The following SRRM1 variants were observed in gnomAD, a reference collection of about 807,000 sequenced individuals.
SRRM1 encodes the protein serine and arginine repetitive matrix 1.
SRRM1 carries 19 observed loss-of-function variants against 110.2 expected under a neutral mutation model. The observed-to-expected ratio is 0.17, with a 90% CI of 0.12 to 0.25. The LOEUF is 0.25. Ranked by LOEUF, SRRM1 falls within the 10% of genes least tolerant of loss-of-function variation. The probability of loss-of-function intolerance (pLI) is 1.00; values close to 1 mark genes in which losing one functional copy is unlikely to be tolerated. For synonymous variants in SRRM1, 443 were observed against 414.9 expected, an observed-to-expected ratio of 1.07 and a Z score of -0.82; for missense variants, 918 against 1,145.8, an observed-to-expected ratio of 0.80 and a Z score of 2.87.
chr1:24,649,643 C>T (rs1199683729), intron 4 of SRRM1, among the ~76,000 whole-genome samples: 1 of 152,178 alleles, frequency 6.6e-6, no homozygotes, highest in African/African-American at 2.4e-5. Flanking sequence ...CAGATGAACT[C>T]CCAGAAAGAA....
chr1:24,669,994 A>T, intron 14 of SRRM1, 126 bp from the exon 15 acceptor site: 4 of 894,894 alleles, frequency 4.5e-6, no homozygotes, highest in Non-Finnish European at 6.9e-6. Flanking sequence ...ATGTTAGTTG[A>T]ATCAACCAGC....
intron 13 of SRRM1, among the ~76,000 whole-genome samples, chr1:24,667,764 TA>T (rs1329740271): frequency 6.6e-6 from 1 of 152,136 alleles, no homozygotes; most frequent in Non-Finnish European, 1.5e-5. Flanking sequence ...GCTATTTTAG[TA>T]ATACTAAGTT....
At chr1:24,653,064 G>A (rs753038372) in intron 8 of SRRM1, 32 bp downstream of exon 8, 1 of 1,596,060 alleles carries the variant, frequency 6.3e-7, no homozygotes, top group Non-Finnish European at 8.5e-7. Context: ...AGTGTCAAGT[G>A]TTTGACACTT....
intron 10 of SRRM1, chr1:24,661,042 G>A (rs1666983517): frequency 1.9e-6 from 1 of 536,568 alleles, no homozygotes; most frequent in South Asian, 3.0e-5. Flanking sequence ...GACAGTAGAG[G>A]TTTTTGACAG....
intron 5 of SRRM1, 50 bp from the exon 6 acceptor site, chr1:24,651,359 C>A (rs780743396): frequency 6.7e-7 from 1 of 1,487,654 alleles, no homozygotes; most frequent in Non-Finnish European, 9.3e-7. Context: ...TGACTCCTCT[C>A]TTCCAATCCA....
chr1:24,665,936 A>AT (rs1669762038), intron 12 of SRRM1, among the ~76,000 whole-genome samples: 2 of 152,218 alleles, frequency 1.3e-5, no homozygotes, highest in African/African-American at 4.8e-5. Context: ...TGGGCAAAAA[A>AT]AATTAAGAGC....
At chr1:24,649,826 T>C (rs753391955) in intron 4 of SRRM1, 145 bp from the exon 5 acceptor site, 10 of 564,112 alleles carry the variant, frequency 1.8e-5, no homozygotes, top group Non-Finnish European at 3.0e-5. Flanking sequence ...GTATCTGTAG[T>C]GTAGGTGAAG....
At chr1:24,664,880 T>G (rs1487789175) in intron 12 of SRRM1, among the ~76,000 whole-genome samples, 2 of 123,580 alleles carry the variant, frequency 1.6e-5, no homozygotes, top group South Asian at 2.7e-4. Context: ...TCCCCTTCCC[T>G]CCCCACCCCC....
At chr1:24,645,722 A>T (rs1314564175) in intron 1 of SRRM1, among the ~76,000 whole-genome samples, 1 of 152,214 alleles carries the variant, frequency 6.6e-6, no homozygotes, top group Non-Finnish European at 1.5e-5. Context: ...CTAACATTGG[A>T]TATGAGGAGG....
intron 6 of SRRM1, among the ~76,000 whole-genome samples, chr1:24,652,186 C>T (rs907593267): frequency 6.6e-6 from 1 of 150,418 alleles, no homozygotes; most frequent in Non-Finnish European, 1.5e-5. Flanking sequence ...TGCCAGTACA[C>T]TCCAGCCTGA....
intron 11 of SRRM1, among the ~76,000 whole-genome samples, chr1:24,662,341 A>G (rs774776492): frequency 1.3e-5 from 2 of 152,206 alleles, no homozygotes; most frequent in African/African-American, 2.4e-5. Flanking sequence ...CCAGCTACTC[A>G]GGAGGCACAA....
rs776382421 is a variant in SRRM1 at position 24,652,574 on chromosome 1, G to A, written c.866G>A (p.Arg289Gln). 91 of 1,613,400 alleles carry A rather than the reference G, an allele frequency of 5.6e-5. No homozygotes were observed. Among genetic ancestry groups the A allele is most frequent in the Non-Finnish European group, 7.4e-5 (87 of 1,179,856 alleles). ...RSRSKSRSRT[R>Q]SRSPSHTRPR... ...CGCTCCAAATCAAGATCCCGGACGC[G>A]GTCCCGCTCTCCTTCTCACACTCGA... Residue 289 changes from arginine (R) to glutamine (Q), a missense_variant, in exon 7 of 17, where the codon CGG (arginine) becomes CAG (glutamine). By Grantham distance (43) the Arg-to-Gln change is conservative (BLOSUM62 1). This residue lies in a region of SRRM1 where 456 missense variants were observed against 453.5 expected (regional missense o/e 1.01). Coordinates refer to ENST00000323848, the MANE Select transcript of SRRM1 (RefSeq NM_005839.4).
intron 1 of SRRM1, chr1:24,643,718 A>C (rs1570604549): frequency 7.0e-6 from 2 of 285,572 alleles, no homozygotes; most frequent in Non-Finnish European, 1.3e-5. Flanking sequence ...TGGGAGGCCA[A>C]AGGAAAGCCC....
Position 24,670,170 on chromosome 1 carries a change from C to T in SRRM1, c.2255C>T (p.Ser752Phe). Reference sequence around the variant, plus strand: ...GTAAGAAGGGTCTCATCCTCCCGATCTGTCTCCGGGTCTCCTGAGCCAGCA... The same window carrying T: ...GTAAGAAGGGTCTCATCCTCCCGATTTGTCTCCGGGTCTCCTGAGCCAGCA... ...QSVRRVSSSR[S>F]VSGSPEPAAK... Residue 752 changes from serine to phenylalanine, a missense_variant, in exon 15 of 17, where the codon TCT (serine) becomes TTT (phenylalanine). This residue lies in a region of SRRM1 where 357 missense variants were observed against 402.9 expected (regional missense o/e 0.89). Coordinates refer to ENST00000323848, the MANE Select transcript of SRRM1 (RefSeq NM_005839.4). 6.2e-7 allele frequency: 1 copy of T among 1,613,274 alleles called. No individual in the cohort carries two copies. Among genetic ancestry groups the T allele is most frequent in the Non-Finnish European group, 8.5e-7 (1 of 1,179,692 alleles).
Position 24,654,884 on chromosome 1 carries a change from G to C in SRRM1, c.1070G>C (p.Gly357Ala), listed in dbSNP as rs758508859. 8 of 1,614,012 alleles carry C rather than the reference G, an allele frequency of 5.0e-6. No individual in the cohort carries two copies. Among genetic ancestry groups the C allele is most frequent in the South Asian group, 1.1e-5 (1 of 91,084 alleles). The change falls in exon 9 of 17, where the codon GGG (glycine) becomes GCG (alanine). Residue 357 changes from glycine (G) to alanine (A), a missense_variant. By Grantham distance (60) the Gly-to-Ala change is moderately conservative. Around this residue, in one of 5 missense-constraint regions of SRRM1, gnomAD observed 456 missense variants for 453.5 expected, o/e 1.01. Transcript: ENST00000323848. Reference sequence around the variant, plus strand: ...AGACGTTCGTCAGCATCCTTGTCTGGGAGTAGCTCATCATCCTCTTCATCT... The same window carrying C: ...AGACGTTCGTCAGCATCCTTGTCTGCGAGTAGCTCATCATCCTCTTCATCT... ...RRRRSSASLS[G>A]SSSSSSSSRS...
At chr1:24,646,124 C>G in intron 2 of SRRM1, 51 bp downstream of exon 2, 2 of 1,409,048 alleles carry the variant, frequency 1.4e-6, no homozygotes, top group Non-Finnish European at 2.0e-6. Context: ...ACTTACTTGA[C>G]TCAAGTTCTG....
rs1344148714 is a variant in SRRM1, at chr1:24,665,822, G to A, written c.1629-993G>A. Among the ~76,000 whole-genome samples, 4 of 152,318 alleles carry A rather than the reference G, an allele frequency of 2.6e-5. No individual in the cohort carries two copies. In the East Asian group the frequency reaches 7.7e-4, roughly 29 times the overall value. Reference sequence around the variant, plus strand: ...GATTTAAGTTGAAAAATTTAGTGGTGACTTTTAGGATTTTGTCTGTTCAGT... The same window carrying A: ...GATTTAAGTTGAAAAATTTAGTGGTAACTTTTAGGATTTTGTCTGTTCAGT... On this transcript the variant is annotated intron_variant, in intron 12 of 16. Transcript: ENST00000323848.
intron 11 of SRRM1, 94 bp from the exon 12 acceptor site, chr1:24,662,566 C>T (rs2148612777): frequency 1.6e-6 from 2 of 1,254,086 alleles, no homozygotes; most frequent in South Asian, 2.7e-5. Context: ...TGCTTGCTTA[C>T]CCTAGTGAAC....
chr1:24,645,441 G>A (rs1249427731), intron 1 of SRRM1, among the ~76,000 whole-genome samples: 1 of 152,130 alleles, frequency 6.6e-6, no homozygotes, highest in Non-Finnish European at 1.5e-5. Flanking sequence ...ATTTTTCCAG[G>A]TTCTTTGCTG....
Sources: gnomAD v4.1 joint callset for allele counts (sites outside exome capture counted in the v4.1 genomes callset) on GRCh38, gnomAD v4.1.1 for gene constraint, gnomAD v4.1.1 regional missense constraint, MANE v1.5 for transcripts, NCBI Gene and HGNC (gene_info 2026-07-23, HGNC 2026-07-21) for gene names.